The following ADGRD1 variants were observed in gnomAD, a reference collection of about 807,000 sequenced individuals.
The protein encoded by ADGRD1 is G-protein coupled receptor 133.
In ADGRD1, 77 loss-of-function variants were observed where a neutral mutation model predicts 113.4. The ratio of observed to expected loss-of-function variants is 0.68; its 90% CI spans 0.57 to 0.82. The LOEUF is 0.82. Among genes scored for constraint, ADGRD1 ranks in the 40% least tolerant of loss-of-function variants. The pLI is 0.00. For missense variants in ADGRD1, 1,036 were observed against 1,139.1 expected (o/e 0.91, Z 1.30); for synonymous variants, 474 against 475.0 (o/e 1.00, Z 0.03).
chr12:130,962,945 T>C (rs1449468180), intron 2 of ADGRD1: 16 of 152,144 alleles, frequency 1.1e-4, no homozygotes, highest in Admixed American at 1.0e-3. Context: ...TATCTGAAAA[T>C]GATGGTATGT....
At chr12:131,015,793 T>C (rs1169256199) in intron 13 of ADGRD1, among the ~76,000 whole-genome samples, 3 of 152,122 alleles carry the variant, frequency 2.0e-5, no homozygotes, top group Admixed American at 2.0e-4. Context: ...CCCAGTGACT[T>C]CTCACCTGGA....
chr12:130,974,598 A>G (rs1267850556), intron 4 of ADGRD1, among the ~76,000 whole-genome samples: 1 of 152,218 alleles, frequency 6.6e-6, no homozygotes, highest in Non-Finnish European at 1.5e-5. Context: ...CTTATAACGA[A>G]AAACAACGCT....
chr12:130,986,765 T>C (rs1873741071), intron 5 of ADGRD1: 3 of 301,360 alleles, frequency 1.0e-5, no homozygotes, highest in Non-Finnish European at 1.9e-5. Flanking sequence ...ATGGTCTGAT[T>C]GGTTGGCACT....
At position 131,085,010 on chromosome 12, in the gene ADGRD1, G is replaced by A. The variant is rs1485419005; in HGVS notation, c.1671+347G>A. ...TCTCACTGGGCGCCTGCTGGGAGCC[G>A]GGCGCTGGGGGCTCCGCTGTAAACA... On this transcript the variant is annotated intron_variant, in intron 15 of 24. Coordinates refer to ENST00000261654, the MANE Select transcript of ADGRD1 (RefSeq NM_198827.5). Among the ~76,000 whole-genome samples, 6 of 152,224 alleles carry A rather than the reference G, an allele frequency of 3.9e-5. No homozygotes were observed. In the East Asian group the frequency reaches 5.8e-4, roughly 15 times the overall value.
chr12:131,047,496 A>T (rs1369069659), intron 13 of ADGRD1, among the ~76,000 whole-genome samples: 1 of 152,168 alleles, frequency 6.6e-6, no homozygotes, highest in Non-Finnish European at 1.5e-5. Flanking sequence ...AGAGGGGCAG[A>T]TACAGAGTCA....
intron 13 of ADGRD1, among the ~76,000 whole-genome samples, chr12:131,037,510 T>C (rs1881633321): frequency 1.9e-5 from 2 of 104,254 alleles, no homozygotes; most frequent in Admixed American, 9.5e-5. Context: ...CTCATTGCAC[T>C]GGGTCTCACT....
chr12:131,051,486 C>G (rs370657985), intron 13 of ADGRD1, among the ~76,000 whole-genome samples: 5 of 147,190 alleles, frequency 3.4e-5, no homozygotes, highest in South Asian at 2.1e-4. Context: ...TCTTTCTTTT[C>G]TTTTTTTTTT....
chr12:131,083,165 A>G (rs1416021901), intron 14 of ADGRD1, among the ~76,000 whole-genome samples: 1 of 152,198 alleles, frequency 6.6e-6, no homozygotes, highest in Non-Finnish European at 1.5e-5. Flanking sequence ...AATACAAACT[A>G]GAGCCTTTTA....
rs779512562 is a variant in ADGRD1, at chr12:130,971,568, T to C, written c.298T>C (p.Cys100Arg). Residue 100 changes from cysteine to arginine, a missense_variant, in exon 4 of 25, where the codon TGT becomes CGT. Coordinates refer to ENST00000261654, the MANE Select transcript of ADGRD1 (RefSeq NM_198827.5). The surrounding 1 kb of genome is among the most constrained non-coding windows in gnomAD (Gnocchi z 4.2). ...NSSCISKPEQ[C>R]GPEGVTFSFF... ...CTCCTGCATCAGCAAGCCAGAGCAG[T>C]GTGGCCCTGAAGGTGAGTGGCTGAT... is the stretch of plus-strand genomic sequence containing the variant. 4.3e-6 allele frequency: 7 copies of C among 1,609,932 alleles called. No individual in the cohort carries two copies. The highest frequency in any genetic ancestry group is 5.9e-6 in the Non-Finnish European group (7 of 1,178,090).
rs377562590 is a variant in ADGRD1, at chr12:130,987,280, G to A, written c.676G>A (p.Asp226Asn). Residue 226 changes from aspartate (D) to asparagine (N), a missense_variant, in exon 6 of 25, where the codon GAT (aspartate) becomes AAT (asparagine). Asp to Asn is a conservative substitution (Grantham distance 23). Coordinates refer to ENST00000261654, the MANE Select transcript of ADGRD1 (RefSeq NM_198827.5). Reference sequence around the variant, plus strand: ...CAAGTGTTATGAGAACGGTGCTTTCGATGAGTTCATCATCTGGGAGCGGGC... The same window carrying A: ...CAAGTGTTATGAGAACGGTGCTTTCAATGAGTTCATCATCTGGGAGCGGGC... ...QAKCYENGAFDEFIIWERALT... is the reference protein window; with the variant it reads ...QAKCYENGAFNEFIIWERALT... 1.2e-5 allele frequency: 19 copies of A among 1,614,184 alleles called. No individual in the cohort carries two copies. The highest frequency in any genetic ancestry group is 1.6e-4 in the Middle Eastern group (1 of 6,062).
At position 131,065,733 on chromosome 12, in the gene ADGRD1, C is replaced by T. The variant is rs576600471; in HGVS notation, c.1474-11068C>T. ...TGTGATTCCTCGGTTGTTAGTTGTG[C>T]GCATGAAGGAGAGGGGGTATTTTTA... On this transcript the variant is annotated intron_variant, in intron 13 of 24. Coordinates refer to ENST00000261654, the MANE Select transcript of ADGRD1 (RefSeq NM_198827.5). Among the ~76,000 whole-genome samples, 17 of 152,212 alleles carry T rather than the reference C, an allele frequency of 1.1e-4. No homozygotes were observed. The South Asian group carries it at 2.9e-3, about 26-fold the overall frequency.
chr12:131,057,174 C>T lies in ADGRD1; in HGVS notation c.1474-19627C>T, dbSNP rs895778387. ...GCAGGAAATAATCACAGGCTACCCC[C>T]GCTGTGATAAACAGGTTTGAAGAAC... On this transcript the variant is annotated intron_variant, in intron 13 of 24. Coordinates refer to ENST00000261654, the MANE Select transcript of ADGRD1 (RefSeq NM_198827.5). This position sits in a 1 kb window ranked among gnomAD's most constrained non-coding sequence, Gnocchi z 4.2. 2.0e-5 allele frequency among the ~76,000 whole-genome samples: 3 copies of T among 152,164 alleles called. No homozygotes were observed. The highest frequency in any genetic ancestry group is 4.8e-5 in the African/African-American group (2 of 41,438).
At position 130,968,896 on chromosome 12, in the gene ADGRD1, G is replaced by T. The variant is rs1871302326; in HGVS notation, c.187+2350G>T. On this transcript the variant is annotated intron_variant, in intron 3 of 24. Transcript: ENST00000261654. ...GAAAGAGCCCCTCCTGGTGCCTGCT[G>T]CAGGTTGAGAGATATGTTGGTCCCA... 1.2e-5 allele frequency: 9 copies of T among 782,152 alleles called. No homozygotes were observed. The Admixed American group carries it at 1.3e-4, about 11-fold the overall frequency. 48.5% of individuals were successfully genotyped at this position (782,152 alleles called of 1,614,324 possible). A position where few individuals can be genotyped will look rare whatever the true frequency, so the allele number is the denominator to read the frequency against.
rs1346329276 is a variant in ADGRD1, at chr12:130,954,020, G to T, written c.-446G>T. 1 of 155,348 alleles carries T rather than the reference G, an allele frequency of 6.4e-6. No homozygotes were observed. Among genetic ancestry groups the T allele is most frequent in the South Asian group, 2.1e-4 (1 of 4,856 alleles). The allele number at this position is 155,348 out of a possible 1,614,324, so 9.6% of individuals were successfully genotyped here. A position where few individuals can be genotyped will look rare whatever the true frequency, so the allele number is the denominator to read the frequency against. On this transcript the variant is annotated 5_prime_UTR_variant, in exon 1 of 25. Coordinates refer to ENST00000261654, the MANE Select transcript of ADGRD1 (RefSeq NM_198827.5). The surrounding 1 kb of genome is among the most constrained non-coding windows in gnomAD (Gnocchi z 4.7). ...CGAGGAGCAGGCGGGCGCTCCAGGG[G>T]AAAACCACGCACAAAACCTTCTTCA...
intron 3 of ADGRD1, chr12:130,967,699 T>C (rs1871161975): frequency 6.6e-6 from 1 of 152,294 alleles, no homozygotes; most frequent in Non-Finnish European, 1.5e-5. Flanking sequence ...CCATCGGTGC[T>C]GCCTCTGTTG....
chr12:131,017,321 CCCAG>C, intron 13 of ADGRD1, among the ~76,000 whole-genome samples: 6 of 148,652 alleles, frequency 4.0e-5, no homozygotes, highest in Admixed American at 6.7e-5. Context: ...TCCACACACA[CCCAG>C]TGCACACAGT....
intron 6 of ADGRD1, chr12:130,988,544 G>C (rs557788236): frequency 6.6e-6 from 1 of 152,336 alleles, no homozygotes; most frequent in South Asian, 2.1e-4. Context: ...CCCAATTCAA[G>C]ATAACTTTAG....
chr12:131,085,650 C>T (rs543746125), intron 15 of ADGRD1, among the ~76,000 whole-genome samples: 6 of 152,172 alleles, frequency 3.9e-5, no homozygotes, highest in African/African-American at 4.8e-5. Context: ...TCACGTCTGT[C>T]GGTTGCGCTC....
At chr12:131,131,858 G>C in intron 21 of ADGRD1, 42 bp downstream of exon 21, 1 of 1,282,696 alleles carries the variant, frequency 7.8e-7, no homozygotes, top group Non-Finnish European at 1.1e-6. Flanking sequence ...CGGCCCTTCT[G>C]CCCCCAGAGG....
Sources: gnomAD v4.1 joint callset for allele counts (sites outside exome capture counted in the v4.1 genomes callset) on GRCh38, gnomAD v4.1.1 for gene constraint, Gnocchi (gnomAD v3.1) non-coding constraint, MANE v1.5 for transcripts, NCBI Gene and HGNC (gene_info 2026-07-23, HGNC 2026-07-21) for gene names.